KIAA1549L: variants seen among roughly 807,000 people sequenced by gnomAD.
KIAA1549L encodes the protein KIAA1549 like.
In KIAA1549L, 88 loss-of-function variants were observed where a neutral mutation model predicts 160.7. The observed-to-expected ratio is 0.55, with a 90% CI of 0.46 to 0.65. The LOEUF (loss-of-function observed/expected upper bound fraction) is 0.65. KIAA1549L is among the 30% of genes least tolerant of loss of function. The pLI, the probability that KIAA1549L is intolerant of heterozygous loss-of-function variation, is 0.00. For synonymous variants in KIAA1549L, 950 were observed against 976.7 expected, an observed-to-expected ratio of 0.97 and a Z score of 0.51; for missense variants, 2,258 against 2,437.5, an observed-to-expected ratio of 0.93 and a Z score of 1.55.
chr11:33,530,615 C>T (rs937308690), intron 1 of KIAA1549L, among the ~76,000 whole-genome samples: 1 of 151,210 alleles, frequency 6.6e-6, no homozygotes, highest in Non-Finnish European at 1.5e-5. Flanking sequence ...GAGAGAAGAA[C>T]CCCCCTAAGT....
chr11:33,502,637 A>G (rs1044544008), intron 1 of KIAA1549L, among the ~76,000 whole-genome samples: 5 of 152,252 alleles, frequency 3.3e-5, no homozygotes, highest in Non-Finnish European at 7.3e-5. Flanking sequence ...TAATAAACAA[A>G]TGCCAAATAC....
At chr11:33,602,574 C>T (rs1001698804) in intron 13 of KIAA1549L, among the ~76,000 whole-genome samples, 2 of 151,986 alleles carry the variant, frequency 1.3e-5, no homozygotes, top group Admixed American at 1.3e-4. Flanking sequence ...ACCTGATTTA[C>T]TGAAATTAAA....
At chr11:33,480,487 C>T (rs1852387786) in intron 1 of KIAA1549L, among the ~76,000 whole-genome samples, 1 of 152,150 alleles carries the variant, frequency 6.6e-6, no homozygotes, top group African/African-American at 2.4e-5. Context: ...CACTCGTGTA[C>T]AAGTTTTTGT....
intron 15 of KIAA1549L, among the ~76,000 whole-genome samples, chr11:33,610,378 G>A (rs1296228699): frequency 6.6e-6 from 1 of 152,182 alleles, no homozygotes; most frequent in Non-Finnish European, 1.5e-5. Flanking sequence ...GCCTCAGTAA[G>A]TACTTACTGC....
At chr11:33,466,980 G>A (rs1269188754) in intron 1 of KIAA1549L, among the ~76,000 whole-genome samples, 2 of 111,384 alleles carry the variant, frequency 1.8e-5, no homozygotes, top group African/African-American at 6.9e-5. Flanking sequence ...GGGGTGGGGG[G>A]TTGGGGCAGG....
At chr11:33,419,305 A>C (rs1850950394) in intron 1 of KIAA1549L, among the ~76,000 whole-genome samples, 1 of 152,166 alleles carries the variant, frequency 6.6e-6, no homozygotes, top group Non-Finnish European at 1.5e-5. Context: ...AGCCTGGTGG[A>C]TAGCTCTCTA....
chr11:33,633,122 C>T (rs1264895226), intron 16 of KIAA1549L, among the ~76,000 whole-genome samples: 1 of 145,510 alleles, frequency 6.9e-6, no homozygotes, highest in Non-Finnish European at 1.5e-5. Flanking sequence ...ATGACAGGTG[C>T]CCACCACCAT....
intron 1 of KIAA1549L, among the ~76,000 whole-genome samples, chr11:33,441,871 G>T (rs1263970974): frequency 2.0e-5 from 3 of 152,122 alleles, no homozygotes; most frequent in Non-Finnish European, 4.4e-5. Flanking sequence ...TCTGTAGGTT[G>T]CCTGTTCACT....
chr11:33,649,054 G>T (rs1198969276), intron 17 of KIAA1549L, among the ~76,000 whole-genome samples: 1 of 152,144 alleles, frequency 6.6e-6, no homozygotes, highest in Non-Finnish European at 1.5e-5. Context: ...AAAGAAACTT[G>T]CCCAAGTTTA....
intron 1 of KIAA1549L, among the ~76,000 whole-genome samples, chr11:33,432,587 A>C (rs543200537): frequency 6.6e-6 from 1 of 152,182 alleles, no homozygotes; most frequent in Non-Finnish European, 1.5e-5. Flanking sequence ...TCCTATTTCC[A>C]TGATCTAAAC....
At chr11:33,651,386 G>A (rs1487049976) in intron 17 of KIAA1549L, among the ~76,000 whole-genome samples, 2 of 151,020 alleles carry the variant, frequency 1.3e-5, no homozygotes, top group African/African-American at 2.4e-5. Flanking sequence ...GCAGTGAGCC[G>A]AGATCACGCC....
intron 1 of KIAA1549L, among the ~76,000 whole-genome samples, chr11:33,398,157 A>G (rs1426817698): frequency 2.6e-5 from 4 of 151,850 alleles, no homozygotes; most frequent in African/African-American, 9.7e-5. Flanking sequence ...CCTGACCTCA[A>G]GTGATCTGCC....
rs1852688359 is a variant in KIAA1549L, at chr11:33,672,080, A to G, written c.*3926A>G. Reference sequence around the variant, plus strand: ...AGGTGTTGGCTGAAAGAATAGAGGGACATTTCACAAACACAGAACACGGCT... The same window carrying G: ...AGGTGTTGGCTGAAAGAATAGAGGGGCATTTCACAAACACAGAACACGGCT... On this transcript the variant is annotated 3_prime_UTR_variant, in exon 21 of 21. Transcript: ENST00000658780. 2 of 152,270 alleles carry G rather than the reference A, an allele frequency of 1.3e-5. No individual in the cohort carries two copies. The highest frequency in any genetic ancestry group is 2.9e-5 in the Non-Finnish European group (2 of 68,060). The allele number at this position is 152,270 out of a possible 1,614,324, so 9.4% of individuals were successfully genotyped here. A position where few individuals can be genotyped will look rare whatever the true frequency, so the allele number is the denominator to read the frequency against.
rs144437722 is a variant in KIAA1549L at position 33,655,057 on chromosome 11, G to A, written c.5761-955G>A. Among the ~76,000 whole-genome samples, 33 of 152,284 alleles carry A rather than the reference G, an allele frequency of 2.2e-4. No homozygotes were observed. The East Asian group carries it at 3.7e-3, about 17-fold the overall frequency. Reference sequence around the variant, plus strand: ...CTGAAGAAAGAAACGGATGAGAACCGCAAGTGAAGCTTTGTCTTCACAGAG... The same window carrying A: ...CTGAAGAAAGAAACGGATGAGAACCACAAGTGAAGCTTTGTCTTCACAGAG... On this transcript the variant is annotated intron_variant, in intron 17 of 20. Transcript: ENST00000658780.
chr11:33,487,086 C>T (rs1038198826), intron 1 of KIAA1549L, among the ~76,000 whole-genome samples: 16 of 152,182 alleles, frequency 1.1e-4, no homozygotes, highest in Non-Finnish European at 1.0e-4. Flanking sequence ...CACTCTGCCT[C>T]GACCTTTAGG....
chr11:33,573,545 C>T (rs565133645), intron 9 of KIAA1549L, among the ~76,000 whole-genome samples: 3 of 152,242 alleles, frequency 2.0e-5, no homozygotes, highest in South Asian at 4.1e-4. Flanking sequence ...TGTGAGTATA[C>T]AGTAGCTCAT....
intron 1 of KIAA1549L, among the ~76,000 whole-genome samples, chr11:33,528,956 C>A (rs909543746): frequency 4.0e-5 from 6 of 151,890 alleles, no homozygotes; most frequent in Admixed American, 3.9e-4. Flanking sequence ...CCTGTTCCCC[C>A]AAAATTATTG....
intron 20 of KIAA1549L, among the ~76,000 whole-genome samples, chr11:33,662,455 C>T (rs1476461244): frequency 1.3e-5 from 2 of 152,154 alleles, no homozygotes; most frequent in East Asian, 1.9e-4. Context: ...TGGGACTTTA[C>T]GGCATCTGTT....
chr11:33,557,984 AG>A (rs755502674), intron 6 of KIAA1549L, among the ~76,000 whole-genome samples: 1 of 152,190 alleles, frequency 6.6e-6, no homozygotes, highest in Non-Finnish European at 1.5e-5. Context: ...AATAAAATGA[AG>A]AGCTCTTCCC....
Sources: allele counts gnomAD v4.1 joint callset (sites outside exome capture counted in the v4.1 genomes callset), GRCh38; gene constraint gnomAD v4.1.1; transcripts MANE v1.5; gene names NCBI Gene and HGNC (gene_info 2026-07-23, HGNC 2026-07-21).